The following FBXO47 variants were observed in gnomAD, a reference collection of about 807,000 sequenced individuals.
The protein encoded by FBXO47 is F-box only protein 47.
Under a neutral mutation model 53.9 loss-of-function variants are expected in FBXO47, and 34 were observed. The ratio of observed to expected loss-of-function variants is 0.63; its 90% confidence interval spans 0.48 to 0.84. The LOEUF (loss-of-function observed/expected upper bound fraction) is 0.84. Ranked by LOEUF, FBXO47 falls within the 40% of genes least tolerant of loss-of-function variation. FBXO47 has a pLI of 0.00. For synonymous variants in FBXO47, 165 were observed against 181.6 expected (o/e 0.91, Z 0.73); for missense variants, 485 against 541.3 (o/e 0.90, Z 1.03).
intron 2 of FBXO47, 22 bp from the exon 3 acceptor site, chr17:38,962,069 T>G (rs1000963084): frequency 7.5e-6 from 12 of 1,590,598 alleles, no homozygotes; most frequent in Non-Finnish European, 1.0e-5. Flanking sequence ...AATATATATG[T>G]GTATGTATCA....
intron 1 of FBXO47, among the ~76,000 whole-genome samples, chr17:38,965,708 C>CCAAAAAAAA (rs1906072513): frequency 2.0e-5 from 1 of 49,220 alleles, no homozygotes; most frequent in Non-Finnish European, 4.0e-5. Flanking sequence ...CCCTTCTCTA[C>CCAAAAAAAA]TAAAAAAAAA....
intron 6 of FBXO47, among the ~76,000 whole-genome samples, chr17:38,946,642 A>AAC: frequency 8.1e-5 from 4 of 49,156 alleles, no homozygotes; most frequent in Admixed American, 3.4e-4. Context: ...ATATATAAAT[A>AAC]TATATAAATA....
At chr17:38,954,712 T>C in intron 5 of FBXO47, 144 bp downstream of exon 5, 1 of 525,958 alleles carries the variant, frequency 1.9e-6, no homozygotes, top group Non-Finnish European at 3.3e-6. Context: ...CACTATTAGA[T>C]TAATACATTC....
At chr17:38,959,666 G>A (rs1441960494) in intron 3 of FBXO47, among the ~76,000 whole-genome samples, 1 of 143,624 alleles carries the variant, frequency 7.0e-6, no homozygotes, top group Non-Finnish European at 1.5e-5. Flanking sequence ...GTATGAATAT[G>A]AGACAGGGTC....
intron 4 of FBXO47, among the ~76,000 whole-genome samples, chr17:38,955,621 G>C (rs1253017657): frequency 1.3e-5 from 2 of 151,362 alleles, no homozygotes; most frequent in Non-Finnish European, 2.9e-5. Flanking sequence ...TGTACTTTTA[G>C]TAGAGACGGG....
chr17:38,946,277 A>T (rs1263130303), intron 6 of FBXO47, among the ~76,000 whole-genome samples: 4 of 85,624 alleles, frequency 4.7e-5, no homozygotes, highest in Non-Finnish European at 8.4e-5. Context: ...TATATATAAA[A>T]ATATATATAA....
At chr17:38,946,384 A>C (rs1381880920) in intron 6 of FBXO47, among the ~76,000 whole-genome samples, 2 of 90,068 alleles carry the variant, frequency 2.2e-5, no homozygotes, top group Admixed American at 1.7e-4. Flanking sequence ...ATATATAAAT[A>C]TATATATCTA....
intron 1 of FBXO47, 55 bp from the exon 2 acceptor site, chr17:38,963,106 AAG>A: frequency 1.7e-6 from 2 of 1,185,082 alleles, no homozygotes; most frequent in East Asian, 2.4e-5. Flanking sequence ...TAAAGCAAGA[AAG>A]AGATTTTTTT....
At chr17:38,958,487 T>C (rs1905665220) in intron 3 of FBXO47, among the ~76,000 whole-genome samples, 1 of 148,278 alleles carries the variant, frequency 6.7e-6, no homozygotes. Context: ...AAAAAAAAAC[T>C]CCTCAATTTC....
Position 38,957,180 on chromosome 17 carries a change from TGTGA to T in FBXO47, c.422_425del (p.Leu141GlnfsTer18), listed in dbSNP as rs929883305. ...TAATTTAGAAGTATGATCTTACTTC[TGTGA>T]GTATCTTGTGAATGTATTTTAGCCT... On this transcript the variant is annotated frameshift_variant, in exon 4 of 11. Transcript: ENST00000378079. LOFTEE classifies it high-confidence loss of function. 7 of 1,591,814 alleles carry T rather than the reference TGTGA, an allele frequency of 4.4e-6. No individual in the cohort carries two copies. The highest frequency in any genetic ancestry group is 5.2e-6 in the Non-Finnish European group (6 of 1,160,400).
chr17:38,957,319 G>A, intron 3 of FBXO47, 66 bp from the exon 4 acceptor site: 1 of 1,072,750 alleles, frequency 9.3e-7, no homozygotes, highest in Non-Finnish European at 1.4e-6. Context: ...ATAGAGCACA[G>A]AATAATGTTT....
intron 1 of FBXO47, among the ~76,000 whole-genome samples, chr17:38,965,456 TAAC>T (rs764024244): frequency 2.0e-5 from 3 of 152,080 alleles, no homozygotes; most frequent in African/African-American, 4.8e-5. Context: ...TTTGAAAACA[TAAC>T]AAAGAAATTT....
At chr17:38,947,053 CATATATAA>C (rs1440783458) in intron 6 of FBXO47, among the ~76,000 whole-genome samples, 3 of 125,076 alleles carry the variant, frequency 2.4e-5, no homozygotes, top group African/African-American at 1.1e-4. Context: ...TATATAAAAA[CATATATAA>C]ATATATATAA....
chr17:38,948,207 A>ATTTT (rs869282186), intron 6 of FBXO47, among the ~76,000 whole-genome samples: 13 of 89,290 alleles, frequency 1.5e-4, no homozygotes, highest in Admixed American at 2.8e-4. Flanking sequence ...CCTATTCTGG[A>ATTTT]TTTTTTTTTT....
chr17:38,962,039 T>C lies in FBXO47; in HGVS notation c.190A>G (p.Ile64Val), dbSNP rs1485087650. 6.2e-7 allele frequency: 1 copy of C among 1,610,904 alleles called. No homozygotes were observed. Among genetic ancestry groups the C allele is most frequent in the East Asian group, 2.2e-5 (1 of 44,838 alleles). Residue 64 changes from isoleucine to valine, a missense_variant, in exon 3 of 11, where the codon ATC becomes GTC. Transcript: ENST00000378079. ...IILKYLSVKD[I>V]SMLSMVSKTV... is the part of the protein sequence containing the mutation. ...TTGGACACCATGCTTAGCATGCTGA[T>C]ATCCTTCACTACCAAAAGAAATATA...
intron 3 of FBXO47, among the ~76,000 whole-genome samples, chr17:38,959,079 T>C (rs1567722023): frequency 6.6e-6 from 1 of 151,984 alleles, no homozygotes; most frequent in Non-Finnish European, 1.5e-5. Flanking sequence ...TATTTTGGTA[T>C]GCTGACTGCC....
At chr17:38,943,534 A>G in intron 8 of FBXO47, 56 bp downstream of exon 8, 1 of 1,135,794 alleles carries the variant, frequency 8.8e-7, no homozygotes, top group Non-Finnish European at 1.2e-6. Flanking sequence ...ATAATTTTAT[A>G]ACTGCATTTT....
At position 38,943,734 on chromosome 17, in the gene FBXO47, G is replaced by A; in HGVS notation, c.796C>T (p.Gln266Ter). 1 of 1,599,088 alleles carries A rather than the reference G, an allele frequency of 6.3e-7. No individual in the cohort carries two copies. The highest frequency in any genetic ancestry group is 8.5e-7 in the Non-Finnish European group (1 of 1,176,074). Residue 266 changes from glutamine (Q) to a stop codon, truncating the protein, a stop_gained and splice_region_variant, in exon 8 of 11, where the codon CAG becomes TAG. Coordinates refer to ENST00000378079, the MANE Select transcript of FBXO47 (RefSeq NM_001008777.3). LOFTEE classifies it high-confidence loss of function. ...TCTATCATTTCCTGCCAAACCACCT[G>A]TCCTGAATTGAAACAAAAACGAGGC... ...IFGPISPQDG[Q>*]VVWQEMIEEP... is the part of the protein sequence containing the mutation.
chr17:38,957,002 A>AT (rs988806328), intron 4 of FBXO47, among the ~76,000 whole-genome samples, 175 bp downstream of exon 4: 3 of 152,186 alleles, frequency 2.0e-5, no homozygotes, highest in Non-Finnish European at 4.4e-5. Context: ...AGATTACTAC[A>AT]TTTTGACATT....
Sources: allele counts gnomAD v4.1 joint callset (sites outside exome capture counted in the v4.1 genomes callset), GRCh38; gene constraint gnomAD v4.1.1; transcripts MANE v1.5; gene names NCBI Gene and HGNC (gene_info 2026-07-23, HGNC 2026-07-21).